The following DLX3 variants were observed in gnomAD, a reference collection of about 807,000 sequenced individuals.
The protein encoded by DLX3 is distal-less homeobox 3, also known as homeobox protein DLX-3.
In DLX3, 9 loss-of-function variants were observed where a neutral mutation model predicts 28.0. The ratio of observed to expected loss-of-function variants is 0.32; its 90% CI spans 0.19 to 0.56. DLX3 has a LOEUF of 0.56. Ranked by LOEUF, DLX3 falls within the 20% of genes least tolerant of loss-of-function variation. The pLI is 0.91. For synonymous variants in DLX3, 154 were observed against 167.9 expected (o/e 0.92, Z 0.64); for missense variants, 313 against 378.2 (o/e 0.83, Z 1.43).
chr17:49,993,650 G>T, intron 1 of DLX3, 60 bp from the exon 2 acceptor site: 1 of 1,573,252 alleles, frequency 6.4e-7, no homozygotes, highest in Non-Finnish European at 8.6e-7. Flanking sequence ...CGACTCCTGC[G>T]ACCCTCCAGG....
In DLX3 at chr17:49,995,140, G is replaced by T. The variant is rs1017977546; in HGVS notation, c.-142C>A. On this transcript the variant is annotated 5_prime_UTR_variant, in exon 1 of 3. Transcript: ENST00000434704. ...ACCCGGCCGCGTCTGGGGGGAGGGG[G>T]AGGCCGAGAGGCGCTTACACCATTG... The T allele has an allele frequency of 9.8e-7, 1 of 1,015,902 alleles. No homozygotes were observed. The allele number at this position is 1,015,902 out of a possible 1,614,324, so 62.9% of individuals were successfully genotyped here.
chr17:49,991,529 C>A lies in DLX3; in HGVS notation c.852G>T (p.Gly284=). The A allele has an allele frequency of 6.2e-7, 1 of 1,604,658 alleles. No individual in the cohort carries two copies. The highest frequency in any genetic ancestry group is 8.5e-7 in the Non-Finnish European group (1 of 1,178,672). Residue 284 remains glycine (G), a synonymous_variant, in exon 3 of 3, where the codon GGG becomes GGT. Transcript: ENST00000434704. ...GCCAGATGGGTGCTCAGTACACAGC[C>A]CCAGGGTTGGGCGGGGGCCCGGGAG... ...HASPGPPPNP[G]AVY is the part of the protein sequence containing the mutation.
chr17:49,990,323 A>T lies in DLX3; in HGVS notation c.*1194T>A, dbSNP rs1332153994. 6.6e-6 allele frequency: 1 copy of T among 150,906 alleles called. No individual in the cohort carries two copies. Among genetic ancestry groups the T allele is most frequent in the Non-Finnish European group, 1.5e-5 (1 of 67,848 alleles). 9.3% of individuals were successfully genotyped at this position (150,906 alleles called of 1,614,324 possible). A position where few individuals can be genotyped will look rare whatever the true frequency, so the allele number is the denominator to read the frequency against. On this transcript the variant is annotated 3_prime_UTR_variant, in exon 3 of 3. Transcript: ENST00000434704. ...AAAAAAACTTACTATATATTTATAT[A>T]TATAGCTACAGTCTTCTACCTCTCC...
chr17:49,993,864 G>A (rs889603034), intron 1 of DLX3, among the ~76,000 whole-genome samples: 4 of 152,042 alleles, frequency 2.6e-5, no homozygotes, highest in African/African-American at 9.7e-5. Context: ...GACCGCCTCG[G>A]CTTCGCTCAC....
At chr17:49,992,942 G>A (rs1315299463) in intron 2 of DLX3, among the ~76,000 whole-genome samples, 1 of 152,186 alleles carries the variant, frequency 6.6e-6, no homozygotes, top group Non-Finnish European at 1.5e-5. Context: ...TATACATTCA[G>A]GGCGCACAGT....
chr17:49,993,203 C>A (rs1906152799), intron 2 of DLX3, among the ~76,000 whole-genome samples, 197 bp downstream of exon 2: 1 of 152,242 alleles, frequency 6.6e-6, no homozygotes, highest in Non-Finnish European at 1.5e-5. Flanking sequence ...CACAGTTGCA[C>A]GGGTTCACAA....
intron 2 of DLX3, among the ~76,000 whole-genome samples, 154 bp from the exon 3 acceptor site, chr17:49,992,018 G>A (rs976871851): frequency 6.6e-6 from 1 of 152,104 alleles, no homozygotes; most frequent in Non-Finnish European, 1.5e-5. Flanking sequence ...TCTTGGATCT[G>A]GGATAGAATT....
chr17:49,991,740 G>GCGGGTGATGGTGGTGAGTTGCAGGC lies in DLX3; in HGVS notation c.616_640dup (p.Ala214GlyfsTer136). Reference sequence around the variant, plus strand: ...GGAGTGGGAAGAGGTGTCCCAGAGGGCGGGTGATGGTGGTGAGTTGCAGGC... The same window carrying GCGGGTGATGGTGGTGAGTTGCAGGC: ...GGAGTGGGAAGAGGTGTCCCAGAGGGCGGGTGATGGTGGTGAGTTGCAGGCCGGGTGATGGTGGTGAGTTGCAGGC... On this transcript the variant is annotated frameshift_variant, in exon 3 of 3. Coordinates refer to ENST00000434704, the MANE Select transcript of DLX3 (RefSeq NM_005220.3). LOFTEE classifies it high-confidence loss of function. The GCGGGTGATGGTGGTGAGTTGCAGGC allele has an allele frequency of 6.2e-7, 1 of 1,614,134 alleles. No individual in the cohort carries two copies. Among genetic ancestry groups the GCGGGTGATGGTGGTGAGTTGCAGGC allele is most frequent in the Non-Finnish European group, 8.5e-7 (1 of 1,180,010 alleles).
intron 1 of DLX3, 68 bp from the exon 2 acceptor site, chr17:49,993,658 A>G (rs1457592513): frequency 3.9e-6 from 6 of 1,550,218 alleles, no homozygotes; most frequent in Middle Eastern, 1.7e-4. Context: ...GCGACCCTCC[A>G]GGGCCCCGCC....
At position 49,994,944 on chromosome 17, in the gene DLX3, A is replaced by T. The variant is rs770570954; in HGVS notation, c.55T>A (p.Ser19Thr). 39 of 1,613,626 alleles carry T rather than the reference A, an allele frequency of 2.4e-5. No individual in the cohort carries two copies. Among genetic ancestry groups the T allele is most frequent in the Non-Finnish European group, 3.3e-5 (39 of 1,180,030 alleles). ...TTGGAGCCCGCATGGCAGCTAAGGG[A>T]GCTGGAGATGTCGGTGAGGATGCTG... ...LSSILTDISS[S>T]LSCHAGSKDS... is the part of the protein sequence containing the mutation. Residue 19 changes from serine to threonine, a missense_variant, in exon 1 of 3, where the codon TCC becomes ACC. By Grantham distance (58) the Ser-to-Thr change is moderately conservative (BLOSUM62 1). Transcript: ENST00000434704.
At chr17:49,994,444 G>A (rs1187483494) in intron 1 of DLX3, among the ~76,000 whole-genome samples, 5 of 152,116 alleles carry the variant, frequency 3.3e-5, no homozygotes, top group East Asian at 3.9e-4. Flanking sequence ...AGCTCATCCC[G>A]ATCCTCATCC....
In DLX3 at chr17:49,995,058, G is replaced by C. The variant is rs1202078649; in HGVS notation, c.-60C>G. ...CCGCAGAGGACAGGAACGGACCGGA[G>C]TGCGAGAGAGGCGGAAGAGACGAGG... On this transcript the variant is annotated 5_prime_UTR_variant, in exon 1 of 3. Transcript: ENST00000434704. 4 of 1,580,236 alleles carry C rather than the reference G, an allele frequency of 2.5e-6. No individual in the cohort carries two copies. Among genetic ancestry groups the C allele is most frequent in the Non-Finnish European group, 3.4e-6 (4 of 1,167,030 alleles).
In DLX3 at chr17:49,994,964, A is replaced by T; in HGVS notation, c.35T>A (p.Ile12Asn). The change falls in exon 1 of 3, where the codon ATC becomes AAC. Residue 12 changes from isoleucine (I) to asparagine (N), a missense_variant. By Grantham distance (149) the Ile-to-Asn change is moderately radical (BLOSUM62 -3). Coordinates refer to ENST00000434704, the MANE Select transcript of DLX3 (RefSeq NM_005220.3). ...AAGGGAGCTGGAGATGTCGGTGAGGATGCTGCTGAGCTTGCGATCGAAGGA... is the reference window on the plus strand; with the variant it reads ...AAGGGAGCTGGAGATGTCGGTGAGGTTGCTGCTGAGCTTGCGATCGAAGGA... ...SGSFDRKLSSILTDISSSLSC... is the reference protein window; with the variant it reads ...SGSFDRKLSSNLTDISSSLSC... 10 of 1,613,136 alleles carry T rather than the reference A, an allele frequency of 6.2e-6. No homozygotes were observed. The highest frequency in any genetic ancestry group is 8.5e-6 in the Non-Finnish European group (10 of 1,180,030).
chr17:49,995,183 G>T lies in DLX3; in HGVS notation c.-185C>A, dbSNP rs918488139. 1.8e-5 allele frequency: 13 copies of T among 728,512 alleles called. No homozygotes were observed. The highest frequency in any genetic ancestry group is 3.0e-5 in the Non-Finnish European group (13 of 436,416). 45.1% of individuals were successfully genotyped at this position (728,512 alleles called of 1,614,324 possible). A position where few individuals can be genotyped will look rare whatever the true frequency, so the allele number is the denominator to read the frequency against. Reference sequence around the variant, plus strand: ...CACCATTGCCTGCCGTCAGGCGGTCGCTGCGCGCCTCTCCTCGCGTCCCAA... The same window carrying T: ...CACCATTGCCTGCCGTCAGGCGGTCTCTGCGCGCCTCTCCTCGCGTCCCAA... On this transcript the variant is annotated 5_prime_UTR_variant, in exon 1 of 3. Coordinates refer to ENST00000434704, the MANE Select transcript of DLX3 (RefSeq NM_005220.3).
Position 49,993,598 on chromosome 17 carries a change from G to T in DLX3, c.326-8C>A. ...GCTCCTCCTTCACCGACACTGCGGG[G>T]AACGCACCGGGCGGAAGAGGGGGCG... On this transcript the variant is annotated splice_region_variant and splice_polypyrimidine_tract_variant and intron_variant, in intron 1 of 2. Transcript: ENST00000434704. 1 of 1,612,776 alleles carries T rather than the reference G, an allele frequency of 6.2e-7. No individual in the cohort carries two copies. Among genetic ancestry groups the T allele is most frequent in the Non-Finnish European group, 8.5e-7 (1 of 1,179,488 alleles).
At chr17:49,992,041 G>A (rs1158975902) in intron 2 of DLX3, among the ~76,000 whole-genome samples, 177 bp from the exon 3 acceptor site, 2 of 152,124 alleles carry the variant, frequency 1.3e-5, no homozygotes, top group Admixed American at 1.3e-4. Context: ...GGCTAGGAAC[G>A]TTCAGCTGCC....
chr17:49,993,660 G>T, intron 1 of DLX3, 70 bp from the exon 2 acceptor site: 1 of 1,541,070 alleles, frequency 6.5e-7, no homozygotes. Context: ...GACCCTCCAG[G>T]GCCCCGCCGG....
At chr17:49,992,435 A>G (rs1381842970) in intron 2 of DLX3, among the ~76,000 whole-genome samples, 1 of 152,074 alleles carries the variant, frequency 6.6e-6, no homozygotes, top group Non-Finnish European at 1.5e-5. Context: ...GCAGACACAG[A>G]TACACCCAGA....
At chr17:49,993,724 C>A in intron 1 of DLX3, 134 bp from the exon 2 acceptor site, 2 of 1,049,458 alleles carry the variant, frequency 1.9e-6, no homozygotes, top group South Asian at 3.5e-5. Context: ...CCGCGCGCTC[C>A]GCTGCCCGCG....
Sources: gnomAD v4.1 joint callset for allele counts (sites outside exome capture counted in the v4.1 genomes callset) on GRCh38, gnomAD v4.1.1 for gene constraint, MANE v1.5 for transcripts, NCBI Gene and HGNC (gene_info 2026-07-23, HGNC 2026-07-21) for gene names.